CEP128: variants seen among roughly 807,000 people sequenced by gnomAD.
The protein encoded by CEP128 is centrosomal protein 128kDa.
A neutral mutation model predicts 156.7 loss-of-function variants in CEP128; 132 were observed. That is an observed-to-expected ratio of 0.84 (90% CI 0.73 to 0.97). The LOEUF is 0.97. CEP128 is among the 50% of genes least tolerant of loss of function. CEP128 has a pLI of 0.00. For synonymous variants in CEP128, 469 were observed against 448.9 expected, an observed-to-expected ratio of 1.04 and a Z score of -0.57; for missense variants, 1,252 against 1,281.9, an observed-to-expected ratio of 0.98 and a Z score of 0.36.
chr14:80,944,822 C>CAAAAAAAAAAAAAAAAAAAAAAAAAAAA (rs55662141), upstream of CEP128, among the ~76,000 whole-genome samples: 5 of 34,656 alleles, frequency 1.4e-4, no homozygotes, highest in Non-Finnish European at 1.7e-4. Context: ...GAGTCTGTCT[C>CAAAAAAAAAAAAAAAAAAAAAAAAAAAA]AAAAAAAAAA....
downstream of CEP128, among the ~76,000 whole-genome samples, chr14:80,486,591 A>T (rs1162216921): frequency 6.6e-6 from 1 of 152,196 alleles, no homozygotes; most frequent in Non-Finnish European, 1.5e-5. Context: ...GTTGAAATGA[A>T]GGAAAAAATG....
chr14:80,641,886 G>A (rs1176813677), intron 19 of CEP128, among the ~76,000 whole-genome samples: 5 of 151,866 alleles, frequency 3.3e-5, no homozygotes, highest in Non-Finnish European at 7.4e-5. Flanking sequence ...TCAGGAGATC[G>A]AGACCATCCT....
At chr14:80,694,135 T>C (rs1027561967) in intron 19 of CEP128, among the ~76,000 whole-genome samples, 2 of 152,196 alleles carry the variant, frequency 1.3e-5, no homozygotes, top group African/African-American at 2.4e-5. Context: ...GACATTTATG[T>C]GGCCAACAAA....
chr14:80,505,594 G>A (rs563594880), intron 23 of CEP128, among the ~76,000 whole-genome samples: 39 of 152,024 alleles, frequency 2.6e-4, no homozygotes, highest in African/African-American at 5.1e-4. Context: ...GATTATATTC[G>A]TCTTCTCACT....
chr14:80,817,442 A>G (rs1884926710), intron 13 of CEP128, among the ~76,000 whole-genome samples: 1 of 152,252 alleles, frequency 6.6e-6, no homozygotes, highest in African/African-American at 2.4e-5. Context: ...CAAATCAGCT[A>G]GTAAAAATAT....
intron 8 of CEP128, among the ~76,000 whole-genome samples, chr14:80,863,693 T>A (rs149513598): frequency 6.6e-6 from 1 of 152,200 alleles, no homozygotes. Context: ...ACAGCTGTTA[T>A]AAGAAATCTT....
intron 14 of CEP128, among the ~76,000 whole-genome samples, chr14:80,790,343 A>G (rs1901639575): frequency 6.6e-6 from 1 of 152,154 alleles, no homozygotes. Flanking sequence ...TTGGAGTCCA[A>G]TTTTTTCCTT....
At chr14:80,553,579 A>G (rs1257095668) in intron 21 of CEP128, among the ~76,000 whole-genome samples, 1 of 152,216 alleles carries the variant, frequency 6.6e-6, no homozygotes, top group African/African-American at 2.4e-5. Context: ...ATGTTTAAGA[A>G]AACTCCCCTT....
chr14:80,487,783 A>G (rs1247212779), downstream of CEP128, among the ~76,000 whole-genome samples: 1 of 152,192 alleles, frequency 6.6e-6, no homozygotes, highest in Non-Finnish European at 1.5e-5. Context: ...ACTACTGGGT[A>G]TATAACGAAA....
At chr14:80,719,678 T>G (rs1897741316) in intron 19 of CEP128, among the ~76,000 whole-genome samples, 1 of 152,146 alleles carries the variant, frequency 6.6e-6, no homozygotes, top group African/African-American at 2.4e-5. Context: ...GACATAGGAC[T>G]AAAAAGTCAC....
At chr14:80,723,234 T>A (rs529575142) in intron 19 of CEP128, among the ~76,000 whole-genome samples, 30 of 152,260 alleles carry the variant, frequency 2.0e-4, no homozygotes, top group African/African-American at 7.2e-4. Context: ...AAAGGTGAAA[T>A]GAGTCAAACT....
At chr14:80,484,535 C>T (rs1040947466) in intron 14 of CEP128, among the ~76,000 whole-genome samples, 1 of 152,192 alleles carries the variant, frequency 6.6e-6, no homozygotes, top group African/African-American at 2.4e-5. Context: ...ATTGATCAAA[C>T]ATTTAGGTAA....
Position 80,867,893 on chromosome 14 carries a change from T to A in CEP128, c.646-5020A>T, listed in dbSNP as rs373505877. On this transcript the variant is annotated intron_variant, in intron 8 of 24. Transcript: ENST00000555265. ...TACAAATAGATTAAATATAAAGAGA[T>A]CTTACTGAAACGCACAATAATCAAA... Among the ~76,000 whole-genome samples the A allele has an allele frequency of 3.9e-5, 6 of 152,086 alleles. No homozygotes were observed. In the East Asian group the frequency reaches 7.8e-4, roughly 20 times the overall value.
At chr14:80,733,137 T>C (rs1898357772) in intron 19 of CEP128, among the ~76,000 whole-genome samples, 1 of 152,140 alleles carries the variant, frequency 6.6e-6, no homozygotes, top group African/African-American at 2.4e-5. Flanking sequence ...CAAAAATCAC[T>C]CTCCCTCTGC....
chr14:80,613,133 G>A (rs1055702538), intron 19 of CEP128, among the ~76,000 whole-genome samples: 1 of 151,076 alleles, frequency 6.6e-6, no homozygotes, highest in Admixed American at 6.6e-5. Context: ...TAGGATTACA[G>A]GAATGAGCCA....
At chr14:80,929,342 A>G (rs1885322640) in intron 2 of CEP128, among the ~76,000 whole-genome samples, 1 of 152,250 alleles carries the variant, frequency 6.6e-6, no homozygotes, top group South Asian at 2.1e-4. Context: ...TAGATCTATC[A>G]TTTGAATCAG....
At chr14:80,658,631 G>A (rs79098668) in intron 19 of CEP128, among the ~76,000 whole-genome samples, 2,769 of 152,220 alleles carry the variant, frequency 0.018, 89 homozygotes, top group African/African-American at 0.063. Flanking sequence ...AACAAGTAAT[G>A]CAATTAGTTA....
intron 19 of CEP128, among the ~76,000 whole-genome samples, chr14:80,733,229 T>C (rs142729208): frequency 4.7e-4 from 72 of 152,258 alleles, no homozygotes; most frequent in African/African-American, 1.7e-3. Context: ...TCACCTGTCT[T>C]GGTTCTTATA....
intron 8 of CEP128, among the ~76,000 whole-genome samples, chr14:80,874,843 C>G (rs368277037): frequency 1.7e-4 from 26 of 152,174 alleles, no homozygotes; most frequent in African/African-American, 6.0e-4. Context: ...TGGTCTCGAT[C>G]TCCTGACCTC....
Sources: gnomAD v4.1 joint callset for allele counts (sites outside exome capture counted in the v4.1 genomes callset) on GRCh38, gnomAD v4.1.1 for gene constraint, MANE v1.5 for transcripts, NCBI Gene and HGNC (gene_info 2026-07-23, HGNC 2026-07-21) for gene names.